The following UBE3B variants were observed in gnomAD, a reference collection of about 807,000 sequenced individuals.
UBE3B encodes the protein ubiquitin-protein ligase E3B.
In UBE3B, 80 loss-of-function variants were observed where a neutral mutation model predicts 132.3. The observed-to-expected ratio is 0.60, with a 90% CI of 0.50 to 0.73. The LOEUF (loss-of-function observed/expected upper bound fraction) is 0.73. Ranked by LOEUF, UBE3B falls within the 30% of genes least tolerant of loss-of-function variation. The pLI, the probability that UBE3B is intolerant of heterozygous loss-of-function variation, is 0.00. For synonymous variants in UBE3B, 487 were observed against 520.4 expected (o/e 0.94, Z 0.87); for missense variants, 1,196 against 1,362.5 (o/e 0.88, Z 1.92).
the UBE3B span, among the ~76,000 whole-genome samples, chr12:109,542,450 C>G: frequency 6.6e-6 from 1 of 152,192 alleles, no homozygotes; most frequent in African/African-American, 2.4e-5. Context: ...TGAGATCATA[C>G]TATTAATCCC....
chr12:109,526,870 C>CAAAA (rs10679640), intron 24 of UBE3B, among the ~76,000 whole-genome samples: 1 of 123,826 alleles, frequency 8.1e-6, no homozygotes, highest in Non-Finnish European at 1.8e-5. Flanking sequence ...GACTCCGTCT[C>CAAAA]AAAAAAAAAA....
chr12:109,524,162 T>C, intron 22 of UBE3B, 47 bp downstream of exon 22: 2 of 1,609,562 alleles, frequency 1.2e-6, no homozygotes, highest in Non-Finnish European at 8.5e-7. Context: ...TGGTGTGAAC[T>C]CACAGCTTGC....
intron 26 of UBE3B, among the ~76,000 whole-genome samples, chr12:109,532,099 G>A (rs539261315): frequency 3.9e-4 from 59 of 152,272 alleles, no homozygotes; most frequent in Non-Finnish European, 2.6e-4. Flanking sequence ...CTCCCCGCTC[G>A]CAGGAGCGGG....
At chr12:109,496,987 T>G (rs1878285665) in intron 9 of UBE3B, among the ~76,000 whole-genome samples, 4 of 152,218 alleles carry the variant, frequency 2.6e-5, no homozygotes, top group Admixed American at 2.0e-4. Flanking sequence ...TTTACTCCTG[T>G]GTTTTCTTCT....
At chr12:109,525,017 C>A (rs1882169261) in intron 23 of UBE3B, among the ~76,000 whole-genome samples, 1 of 152,094 alleles carries the variant, frequency 6.6e-6, no homozygotes, top group Non-Finnish European at 1.5e-5. Flanking sequence ...TGGTGGAGGT[C>A]CCTGCATGAG....
intron 8 of UBE3B, 57 bp from the exon 9 acceptor site, chr12:109,490,988 G>T (rs1199922107): frequency 1.7e-5 from 26 of 1,571,706 alleles, no homozygotes; most frequent in South Asian, 2.3e-5. Context: ...GCTCTTTTAT[G>T]TACAAATGAA....
chr12:109,503,447 TTC>T (rs1194540628), intron 14 of UBE3B, among the ~76,000 whole-genome samples: 8 of 152,162 alleles, frequency 5.3e-5, no homozygotes, highest in African/African-American at 1.9e-4. Context: ...TTTAAAAAGT[TTC>T]TGTTTTCTGA....
chr12:109,524,313 T>C, intron 22 of UBE3B, 125 bp from the exon 23 acceptor site: 1 of 1,387,530 alleles, frequency 7.2e-7, no homozygotes, highest in Non-Finnish European at 1.0e-6. Context: ...TGACTTTCTT[T>C]GCGTCAAGCT....
At chr12:109,519,029 A>G (rs1367209952) in intron 19 of UBE3B, among the ~76,000 whole-genome samples, 1 of 152,176 alleles carries the variant, frequency 6.6e-6, no homozygotes, top group African/African-American at 2.4e-5. Flanking sequence ...ATGCTTCTCT[A>G]TTAGGCTTCC....
chr12:109,511,463 G>A, intron 18 of UBE3B, 160 bp downstream of exon 18: 1 of 675,162 alleles, frequency 1.5e-6, no homozygotes, highest in South Asian at 1.9e-5. Context: ...GTTACACCCA[G>A]TGCTGGGGTA....
At chr12:109,478,900 G>T (rs1874831369) in intron 1 of UBE3B, among the ~76,000 whole-genome samples, 1 of 152,216 alleles carries the variant, frequency 6.6e-6, no homozygotes. Flanking sequence ...ATTAAACCTG[G>T]TGGCCCAGCT....
chr12:109,491,143 T>C lies in UBE3B; in HGVS notation c.713+16T>C, dbSNP rs755741894. The C allele has an allele frequency of 1.2e-6, 2 of 1,612,110 alleles. No individual in the cohort carries two copies. The highest frequency in any genetic ancestry group is 2.2e-5 in the South Asian group (2 of 90,844). On this transcript the variant is annotated intron_variant, in intron 9 of 27. Transcript: ENST00000342494. ...TAGCGTTACGGTGAGTAAGAAACCA[T>C]AGCTGAGGTGTTGGCATGTTCTTGA...
Position 109,503,180 on chromosome 12 carries a change from G to C in UBE3B, c.1440G>C (p.Gln480His). 1 of 1,614,104 alleles carries C rather than the reference G, an allele frequency of 6.2e-7. No individual in the cohort carries two copies. Among genetic ancestry groups the C allele is most frequent in the Admixed American group, 1.7e-5 (1 of 60,012 alleles). ...SLTTLTQIRL[Q>H]ILTGLTYLDD... Reference sequence around the variant, plus strand: ...CAACTCTCACACAGATTCGGCTGCAGATACTCACAGGTTCGCAGTCCCCAG... The same window carrying C: ...CAACTCTCACACAGATTCGGCTGCACATACTCACAGGTTCGCAGTCCCCAG... The change falls in exon 14 of 28, where the codon CAG (glutamine) becomes CAC (histidine). Residue 480 changes from glutamine to histidine, a missense_variant. Physicochemically the swap from Gln to His is conservative, Grantham distance 24. Transcript: ENST00000342494.
chr12:109,545,441 G>T, the UBE3B span, among the ~76,000 whole-genome samples: 1 of 152,196 alleles, frequency 6.6e-6, no homozygotes, highest in East Asian at 1.9e-4. Flanking sequence ...TCAAGGAGGA[G>T]GTGTATGGCC....
intron 3 of UBE3B, 40 bp downstream of exon 3, chr12:109,483,752 C>A: frequency 6.4e-7 from 1 of 1,574,408 alleles, no homozygotes; most frequent in Non-Finnish European, 8.6e-7. Context: ...TTCTCTGGCT[C>A]CCAATTAATA....
At chr12:109,488,060 C>T (rs11610558) in intron 6 of UBE3B, among the ~76,000 whole-genome samples, 25,727 of 152,172 alleles carry the variant, frequency 0.17, 2,230 homozygotes, top group African/African-American at 0.18. Flanking sequence ...GTGCATCATA[C>T]GCATTAATCC....
At chr12:109,519,894 C>T (rs1337300735) in intron 19 of UBE3B, 1 of 100,228 alleles carries the variant, frequency 1.0e-5, no homozygotes. Context: ...TGAATCGGGG[C>T]ACCATAGGAT....
chr12:109,480,971 GT>G (rs1221132571), intron 1 of UBE3B, among the ~76,000 whole-genome samples: 1 of 151,968 alleles, frequency 6.6e-6, no homozygotes. Flanking sequence ...AGGCATAAAC[GT>G]TTTTCCATTA....
At position 109,534,032 on chromosome 12, in the gene UBE3B, C is replaced by G. The variant is rs977545277; in HGVS notation, c.3015+474C>G. 2 of 1,294,894 alleles carry G rather than the reference C, an allele frequency of 1.5e-6. No homozygotes were observed. Among genetic ancestry groups the G allele is most frequent in the Non-Finnish European group, 2.0e-6 (2 of 993,040 alleles). 80.2% of individuals were successfully genotyped at this position (1,294,894 alleles called of 1,614,324 possible). On this transcript the variant is annotated intron_variant, in intron 27 of 27. Coordinates refer to ENST00000342494, the MANE Select transcript of UBE3B (RefSeq NM_130466.4). The surrounding 1 kb of genome is among the most constrained non-coding windows in gnomAD (Gnocchi z 5.2). The stretch of plus-strand genomic sequence containing the variant: ...TTCAGGGTTACGGAGCTCTGTGTGT[C>G]TCAAGCCTGGCCCACTGTGGGTGCT...
Sources: gnomAD v4.1 joint callset for allele counts (sites outside exome capture counted in the v4.1 genomes callset) on GRCh38, gnomAD v4.1.1 for gene constraint, Gnocchi (gnomAD v3.1) non-coding constraint, MANE v1.5 for transcripts, NCBI Gene and HGNC (gene_info 2026-07-23, HGNC 2026-07-21) for gene names.